The following PTGIS variants were observed in gnomAD, a reference collection of about 807,000 sequenced individuals.
The protein encoded by PTGIS is prostacyclin synthase.
In PTGIS, 45 loss-of-function variants were observed where a neutral mutation model predicts 50.3. The ratio of observed to expected loss-of-function variants is 0.90; its 90% CI spans 0.70 to 1.15. The LOEUF is 1.15. Among genes scored for constraint, PTGIS ranks in the 50% most tolerant of loss-of-function variants. PTGIS has a pLI of 0.00. For synonymous variants in PTGIS, 260 were observed against 267.7 expected (o/e 0.97, Z 0.28); for missense variants, 668 against 661.3 (o/e 1.01, Z -0.11).
Position 49,559,926 on chromosome 20 carries a change from CTTT to C in PTGIS, c.74+8114_74+8116del, listed in dbSNP as rs58437903. On this transcript the variant is annotated intron_variant, in intron 1 of 9. Transcript: ENST00000244043. ...ATACTAGAAACTATTGAATTATACACTTTTTTTTTTTTTTTTGAGACGGAATCT... is the reference window on the plus strand; with the variant it reads ...ATACTAGAAACTATTGAATTATACACTTTTTTTTTTTTTGAGACGGAATCT... 1.9e-3 allele frequency among the ~76,000 whole-genome samples: 270 copies of C among 142,622 alleles called. 3 individuals are homozygous for C. The East Asian group carries it at 0.032, about 17-fold the overall frequency. 93.6% of individuals were successfully genotyped at this position (142,622 alleles called of 152,430 possible). A position where few individuals can be genotyped will look rare whatever the true frequency, so the allele number is the denominator to read the frequency against.
chr20:49,530,262 C>T (rs1424150640), intron 5 of PTGIS, among the ~76,000 whole-genome samples: 1 of 152,052 alleles, frequency 6.6e-6, no homozygotes, highest in Admixed American at 6.6e-5. Context: ...CACTGGGGGT[C>T]TTGGAACATA....
chr20:49,518,092 G>A (rs572095258), intron 6 of PTGIS, among the ~76,000 whole-genome samples: 1 of 152,254 alleles, frequency 6.6e-6, no homozygotes, highest in Non-Finnish European at 1.5e-5. Flanking sequence ...CCCCCAGGGG[G>A]AGACCCTCTG....
At position 49,505,182 on chromosome 20, in the gene PTGIS, GA is replaced by G. The variant is rs1981115354; in HGVS notation, c.*2737del. The G allele has an allele frequency of 6.9e-6, 1 of 145,820 alleles. No individual in the cohort carries two copies. Among genetic ancestry groups the G allele is most frequent in the African/African-American group, 2.6e-5 (1 of 38,912 alleles). 9.0% of individuals were successfully genotyped at this position (145,820 alleles called of 1,614,324 possible). A position where few individuals can be genotyped will look rare whatever the true frequency, so the allele number is the denominator to read the frequency against. ...GCCACTGAGCTTAAAAAGAAAGAAA[GA>G]AAGAAAGAGTATTCCTAACATATGT... On this transcript the variant is annotated 3_prime_UTR_variant, in exon 10 of 10. Coordinates refer to ENST00000244043, the MANE Select transcript of PTGIS (RefSeq NM_000961.4).
At chr20:49,509,183 C>T (rs535853779) in intron 9 of PTGIS, among the ~76,000 whole-genome samples, 1 of 152,310 alleles carries the variant, frequency 6.6e-6, no homozygotes, top group East Asian at 1.9e-4. Context: ...GAGTCTCTTC[C>T]AGCTCTGAGG....
intron 6 of PTGIS, among the ~76,000 whole-genome samples, chr20:49,523,052 A>T (rs1601184678): frequency 6.6e-6 from 1 of 152,290 alleles, no homozygotes; most frequent in East Asian, 1.9e-4. Flanking sequence ...AAGAAAAGAA[A>T]ACAGAAGAGT....
At position 49,535,120 on chromosome 20, in the gene PTGIS, A is replaced by G. The variant is rs550725331; in HGVS notation, c.673+4450T>C. On this transcript the variant is annotated intron_variant, in intron 5 of 9. Transcript: ENST00000244043. The stretch of plus-strand genomic sequence containing the variant: ...CAGATTGGCAATTATTTAAAGGCTG[A>G]TAACTGCATGTTGGCAAGGTTGTGG... Among the ~76,000 whole-genome samples the G allele has an allele frequency of 2.6e-5, 4 of 152,374 alleles. No individual in the cohort carries two copies. In the South Asian group the frequency reaches 8.3e-4, roughly 32 times the overall value.
In PTGIS at chr20:49,533,972, C is replaced by CATATAT. The variant is rs372596578; in HGVS notation, c.673+5592_673+5597dup. Among the ~76,000 whole-genome samples the CATATAT allele has an allele frequency of 1.7e-4, 25 of 149,476 alleles. 1 individual carries two copies. The highest frequency in any genetic ancestry group is 1.3e-3 in the South Asian group (6 of 4,704). On this transcript the variant is annotated intron_variant, in intron 5 of 9. Coordinates refer to ENST00000244043, the MANE Select transcript of PTGIS (RefSeq NM_000961.4). Reference sequence around the variant, plus strand: ...CAAGACTCTGTCTCAAAAGCAAAAACATATATATATATATATAAAATGTAT... The same window carrying CATATAT: ...CAAGACTCTGTCTCAAAAGCAAAAACATATATATATATATATATATATAAAATGTAT...
At position 49,524,389 on chromosome 20, in the gene PTGIS, G is replaced by A. The variant is rs532615427; in HGVS notation, c.674-150C>T. On this transcript the variant is annotated intron_variant, in intron 5 of 9. Transcript: ENST00000244043. The stretch of plus-strand genomic sequence containing the variant: ...CCTGTGGGAAAGAAGCTGCAGGACA[G>A]GCCCACAGCAGGAAGCCCTTTCAAT... The A allele has an allele frequency of 9.8e-5, 86 of 874,300 alleles. No homozygotes were observed. The African/African-American group carries it at 1.3e-3, about 13-fold the overall frequency. 54.2% of individuals were successfully genotyped at this position (874,300 alleles called of 1,614,324 possible).
At chr20:49,567,904 C>T (rs1463481904) in intron 1 of PTGIS, 139 bp downstream of exon 1, 8 of 778,496 alleles carry the variant, frequency 1.0e-5, no homozygotes, top group Non-Finnish European at 1.4e-5. Context: ...GGACTCCCAC[C>T]TCCGAGGGTC....
chr20:49,539,812 G>T, intron 4 of PTGIS, 91 bp from the exon 5 acceptor site: 2 of 1,481,412 alleles, frequency 1.4e-6, no homozygotes, highest in Non-Finnish European at 1.8e-6. Flanking sequence ...TACACCCAGT[G>T]AGCAACTACT....
chr20:49,539,568 A>C lies in PTGIS; in HGVS notation c.673+2T>G. 1 of 1,613,312 alleles carries C rather than the reference A, an allele frequency of 6.2e-7. No individual in the cohort carries two copies. Among genetic ancestry groups the C allele is most frequent in the Non-Finnish European group, 8.5e-7 (1 of 1,179,808 alleles). ...ACCCACTGGGGCCCCCATGGTGCTT[A>C]CCCACTGACAGGGAGCCACGGGCCA... On this transcript the variant is annotated splice_donor_variant, in intron 5 of 9. Transcript: ENST00000244043. LOFTEE classifies it high-confidence loss of function.
chr20:49,527,708 T>C (rs1212563616), intron 5 of PTGIS, among the ~76,000 whole-genome samples: 1 of 152,218 alleles, frequency 6.6e-6, no homozygotes, highest in East Asian at 1.9e-4. Flanking sequence ...ATGTATTTAC[T>C]GCCACTGAAT....
At chr20:49,543,028 C>G (rs546838420) in intron 4 of PTGIS, among the ~76,000 whole-genome samples, 11 of 152,142 alleles carry the variant, frequency 7.2e-5, no homozygotes, top group Non-Finnish European at 1.5e-4. Flanking sequence ...TGCCCTTTAT[C>G]CTAGAACTAT....
chr20:49,530,976 G>T (rs1406082071), intron 5 of PTGIS, among the ~76,000 whole-genome samples: 1 of 152,090 alleles, frequency 6.6e-6, no homozygotes, highest in African/African-American at 2.4e-5. Flanking sequence ...GGCCAGGATG[G>T]TCTCGATCTC....
At chr20:49,530,891 C>T (rs8115308) in intron 5 of PTGIS, among the ~76,000 whole-genome samples, 2,451 of 152,236 alleles carry the variant, frequency 0.016, 56 homozygotes, top group African/African-American at 0.05. Flanking sequence ...TCCCGAGTAG[C>T]TGAGACTACA....
At chr20:49,543,085 A>T (rs1376289818) in intron 4 of PTGIS, among the ~76,000 whole-genome samples, 2 of 152,186 alleles carry the variant, frequency 1.3e-5, no homozygotes, top group East Asian at 1.9e-4. Flanking sequence ...TTTTAAATTA[A>T]ATTTAAATTA....
rs1981117839 is a variant in PTGIS at position 49,505,251 on chromosome 20, G to A, written c.*2669C>T. 1 of 151,996 alleles carries A rather than the reference G, an allele frequency of 6.6e-6. No individual in the cohort carries two copies. Among genetic ancestry groups the A allele is most frequent in the Admixed American group, 6.6e-5 (1 of 15,240 alleles). The allele number at this position is 151,996 out of a possible 1,614,324, so 9.4% of individuals were successfully genotyped here. A position where few individuals can be genotyped will look rare whatever the true frequency, so the allele number is the denominator to read the frequency against. Reference sequence around the variant, plus strand: ...TAAGCAAGGGATGAAGAAATACAATGGCATCCAGGTAACTTCCTAACTAGC... The same window carrying A: ...TAAGCAAGGGATGAAGAAATACAATAGCATCCAGGTAACTTCCTAACTAGC... On this transcript the variant is annotated 3_prime_UTR_variant, in exon 10 of 10. Transcript: ENST00000244043.
rs751261342 is a variant in PTGIS at position 49,525,085 on chromosome 20, C to T, written c.674-846G>A. Among the ~76,000 whole-genome samples, 6 of 152,310 alleles carry T rather than the reference C, an allele frequency of 3.9e-5. No homozygotes were observed. The South Asian group carries it at 1.2e-3, about 32-fold the overall frequency. The stretch of plus-strand genomic sequence containing the variant: ...AGCAGGCTCAGCACAGCAGCAATCA[C>T]AGAAAGACATCAGCAACAACCTAAC... On this transcript the variant is annotated intron_variant, in intron 5 of 9. Coordinates refer to ENST00000244043, the MANE Select transcript of PTGIS (RefSeq NM_000961.4).
intron 1 of PTGIS, among the ~76,000 whole-genome samples, chr20:49,559,411 C>T (rs938817104): frequency 4.6e-5 from 7 of 152,312 alleles, no homozygotes; most frequent in Admixed American, 4.6e-4. Flanking sequence ...AATAAACTTG[C>T]TTTCACGTTA....
Sources: allele counts gnomAD v4.1 joint callset (sites outside exome capture counted in the v4.1 genomes callset), GRCh38; gene constraint gnomAD v4.1.1; transcripts MANE v1.5; gene names NCBI Gene and HGNC (gene_info 2026-07-23, HGNC 2026-07-21).